Variants in BCL7A observed in about 807,000 individuals in gnomAD.
BCL7A encodes B-cell CLL/lymphoma 7 protein family member A.
Under a neutral mutation model 28.4 loss-of-function variants are expected in BCL7A, and 11 were observed. The ratio of observed to expected loss-of-function variants is 0.39; its 90% CI spans 0.24 to 0.64. The LOEUF is 0.64. Among genes scored for constraint, BCL7A ranks in the 30% least tolerant of loss-of-function variants. The pLI is 0.50. For missense variants in BCL7A, 222 were observed against 274.8 expected (o/e 0.81, Z 1.36); for synonymous variants, 123 against 103.3 (o/e 1.19, Z -1.15).
chr12:122,053,687 A>ACCCCCCCCCCCCCC (rs1241074435), intron 4 of BCL7A, among the ~76,000 whole-genome samples: 1 of 60,304 alleles, frequency 1.7e-5, no homozygotes, highest in Non-Finnish European at 3.4e-5. Flanking sequence ...AGCTGCACCC[A>ACCCCCCCCCCCCCC]CCCCCCCGCC....
rs1364978209 is a variant in BCL7A at position 122,035,398 on chromosome 12, G to A, written c.242G>A (p.Ser81Asn). Residue 81 changes from serine (S) to asparagine (N), a missense_variant, in exon 3 of 6, where the codon AGT becomes AAT. Ser to Asn is a conservative substitution (Grantham distance 46). This residue lies in a region of BCL7A where 67 missense variants were observed against 129.1 expected (regional missense o/e 0.52). Transcript: ENST00000261822. ...TCAGAGGTGACCACTCCGGAGAACA[G>A]TTCCTCCCCAGGGATGATGGACATG... ...CGSEVTTPEN[S>N]SSPGMMDMHD... 1 of 1,614,068 alleles carries A rather than the reference G, an allele frequency of 6.2e-7. No individual in the cohort carries two copies. The highest frequency in any genetic ancestry group is 8.5e-7 in the Non-Finnish European group (1 of 1,180,024).
rs1314587741 is a variant in BCL7A at position 122,039,500 on chromosome 12, A to ATATATATAATATATATATTATATATAT, written c.271+4079_271+4080insTAATATATATATTATATATATTATATA. Among the ~76,000 whole-genome samples, 4 of 140,404 alleles carry ATATATATAATATATATATTATATATAT rather than the reference A, an allele frequency of 2.8e-5. No homozygotes were observed. In the East Asian group the frequency reaches 8.1e-4, roughly 28 times the overall value. The allele number at this position is 140,404 out of a possible 152,430, so 92.1% of individuals were successfully genotyped here. The stretch of plus-strand genomic sequence containing the variant: ...GACCCCATCTCTTAAATATATATAT[A>ATATATATAATATATATATTATATATAT]TATATAATATATATATTATATATAT... On this transcript the variant is annotated intron_variant, in intron 3 of 5. Coordinates refer to ENST00000261822, the MANE Select transcript of BCL7A (RefSeq NM_001024808.3).
At chr12:122,024,130 A>G (rs960528384) in intron 1 of BCL7A, among the ~76,000 whole-genome samples, 1 of 152,294 alleles carries the variant, frequency 6.6e-6, no homozygotes, top group African/African-American at 2.4e-5. Flanking sequence ...CGCGGGGACC[A>G]GGCCTGTAGT....
At chr12:122,052,811 T>C (rs1884217706) in intron 4 of BCL7A, among the ~76,000 whole-genome samples, 2 of 135,522 alleles carry the variant, frequency 1.5e-5, no homozygotes, top group South Asian at 5.1e-4. Flanking sequence ...GCCTCCCAAG[T>C]AGCTGGGATT....
At position 122,051,110 on chromosome 12, in the gene BCL7A, A is replaced by G. The variant is rs80011911; in HGVS notation, c.440-3695A>G. Reference sequence around the variant, plus strand: ...CGATTTGAGCTCCGCAGCAGGAATTATGTTTTGAGTTAGTGTGTCCAGTTG... The same window carrying G: ...CGATTTGAGCTCCGCAGCAGGAATTGTGTTTTGAGTTAGTGTGTCCAGTTG... On this transcript the variant is annotated intron_variant, in intron 4 of 5. Transcript: ENST00000261822. 4.3e-3 allele frequency among the ~76,000 whole-genome samples: 656 copies of G among 152,256 alleles called. 7 individuals are homozygous for G. The highest frequency in any genetic ancestry group is 0.015 in the African/African-American group (622 of 41,558).
chr12:122,052,297 G>C (rs1884207864), intron 4 of BCL7A, among the ~76,000 whole-genome samples: 1 of 152,184 alleles, frequency 6.6e-6, no homozygotes, highest in South Asian at 2.1e-4. Context: ...GCCTTCCAAA[G>C]TGTTGGGAGT....
chr12:122,039,506 AATATATATAT>A (rs1423601110), intron 3 of BCL7A, among the ~76,000 whole-genome samples: 22 of 114,258 alleles, frequency 1.9e-4, no homozygotes, highest in African/African-American at 6.5e-4. Context: ...ATATATATAT[AATATATATAT>A]TATATATATT....
chr12:122,035,466 C>G, intron 3 of BCL7A, 39 bp downstream of exon 3: 1 of 1,569,280 alleles, frequency 6.4e-7, no homozygotes, highest in East Asian at 2.2e-5. Flanking sequence ...CTGCCCAGCC[C>G]GGGGCCTTGG....
chr12:122,038,065 G>GA lies in BCL7A; in HGVS notation c.271+2639dup, dbSNP rs1405300611. On this transcript the variant is annotated intron_variant, in intron 3 of 5. Coordinates refer to ENST00000261822, the MANE Select transcript of BCL7A (RefSeq NM_001024808.3). ...GAACCTAGGAGGCAGAAGCTGCAGT[G>GA]AGCCGAGATCGCACCACTGCACTCC... Among the ~76,000 whole-genome samples the GA allele has an allele frequency of 2.0e-5, 3 of 151,944 alleles. No individual in the cohort carries two copies. In the East Asian group the frequency reaches 5.8e-4, roughly 29 times the overall value.
At chr12:122,043,397 G>C (rs1160827589) in intron 3 of BCL7A, among the ~76,000 whole-genome samples, 4 of 129,460 alleles carry the variant, frequency 3.1e-5, no homozygotes, top group African/African-American at 1.2e-4. Context: ...TGGCTGTGGT[G>C]CTTGGGTGGG....
intron 3 of BCL7A, among the ~76,000 whole-genome samples, chr12:122,042,527 C>T (rs557081999): frequency 2.6e-5 from 4 of 151,470 alleles, no homozygotes; most frequent in South Asian, 2.1e-4. Flanking sequence ...TGGTGGCAGG[C>T]GCCTGTAATC....
At chr12:122,053,239 G>A (rs1030247330) in intron 4 of BCL7A, among the ~76,000 whole-genome samples, 3 of 152,088 alleles carry the variant, frequency 2.0e-5, no homozygotes, top group African/African-American at 7.2e-5. Flanking sequence ...CAAGTGATCC[G>A]CCTGCCTTGG....
At chr12:122,023,647 T>C (rs1203079693) in intron 1 of BCL7A, among the ~76,000 whole-genome samples, 1 of 152,084 alleles carries the variant, frequency 6.6e-6, no homozygotes. Flanking sequence ...AAGGGGAGGC[T>C]TTCCAAAGTT....
Position 122,035,419 on chromosome 12 carries a change from A to C in BCL7A, c.263A>C (p.Asp88Ala). Residue 88 changes from aspartate (D) to alanine (A), a missense_variant, in exon 3 of 6, where the codon GAC (aspartate) becomes GCC (alanine). Around this residue, in one of 2 missense-constraint regions of BCL7A, gnomAD observed 67 missense variants for 129.1 expected, o/e 0.52. Transcript: ENST00000261822. ...AACAGTTCCTCCCCAGGGATGATGG[A>C]CATGCATGGTGAGTGCCCATGGCCT... ...PENSSSPGMMDMHDDNSNQSS... is the reference protein window; with the variant it reads ...PENSSSPGMMAMHDDNSNQSS... 1 of 1,613,752 alleles carries C rather than the reference A, an allele frequency of 6.2e-7. No homozygotes were observed. The highest frequency in any genetic ancestry group is 8.5e-7 in the Non-Finnish European group (1 of 1,179,670).
In BCL7A at chr12:122,022,109, T is replaced by C; in HGVS notation, c.18T>C (p.Val6=). MSGRS[V]RAETRSRAKD... ...CCGGAACCATGTCGGGCAGGTCGGT[T>C]CGAGCCGAGACGAGGAGCCGGGCCA... The change falls in exon 1 of 6, where the codon GTT becomes GTC. Residue 6 remains valine, a synonymous_variant. Transcript: ENST00000261822. 6.4e-7 allele frequency: 1 copy of C among 1,572,830 alleles called. No individual in the cohort carries two copies. The highest frequency in any genetic ancestry group is 8.6e-7 in the Non-Finnish European group (1 of 1,159,148).
rs2135865931 is a variant in BCL7A at position 122,061,241 on chromosome 12, T to C, written c.*2078T>C. On this transcript the variant is annotated 3_prime_UTR_variant, in exon 6 of 6. Transcript: ENST00000261822. The stretch of plus-strand genomic sequence containing the variant: ...GCTGAAGGAGAATGAAACACACACA[T>C]CCACAGAAACAGAGAGGCGTAGGTG... The C allele has an allele frequency of 4.3e-6, 1 of 230,164 alleles. No individual in the cohort carries two copies. Among genetic ancestry groups the C allele is most frequent in the Non-Finnish European group, 8.6e-6 (1 of 116,358 alleles). The allele number at this position is 230,164 out of a possible 1,614,324, so 14.3% of individuals were successfully genotyped here.
chr12:122,022,444 G>T (rs1028145954), intron 1 of BCL7A, among the ~76,000 whole-genome samples: 26 of 145,134 alleles, frequency 1.8e-4, no homozygotes, highest in Non-Finnish European at 3.5e-4. Flanking sequence ...GGCGGGCGCC[G>T]GGGCCAGGCG....
At chr12:122,024,334 T>C (rs547929937) in intron 1 of BCL7A, among the ~76,000 whole-genome samples, 2 of 152,266 alleles carry the variant, frequency 1.3e-5, no homozygotes, top group South Asian at 2.1e-4. Context: ...CCAGGTCCCC[T>C]CGGGTTATTG....
intron 4 of BCL7A, among the ~76,000 whole-genome samples, chr12:122,049,225 T>TTA (rs546786244): frequency 8.4e-6 from 1 of 119,728 alleles, no homozygotes; most frequent in Non-Finnish European, 1.7e-5. Context: ...GACCCTGTCT[T>TTA]AAAAAAAAAA....
Sources: gnomAD v4.1 joint callset for allele counts (sites outside exome capture counted in the v4.1 genomes callset) on GRCh38, gnomAD v4.1.1 for gene constraint, gnomAD v4.1.1 regional missense constraint, MANE v1.5 for transcripts, NCBI Gene and HGNC (gene_info 2026-07-23, HGNC 2026-07-21) for gene names.